The following PLCG2 variants were observed in gnomAD, a reference collection of about 807,000 sequenced individuals.
The protein encoded by PLCG2 is 1-phosphatidylinositol 4,5-bisphosphate phosphodiesterase gamma-2.
A neutral mutation model predicts 175.6 loss-of-function variants in PLCG2; 69 were observed. The observed-to-expected ratio is 0.39, with a 90% CI of 0.32 to 0.48. The LOEUF (loss-of-function observed/expected upper bound fraction) is 0.48, where lower values mean the gene tolerates loss of function less well. PLCG2 is among the 20% of genes least tolerant of loss of function. PLCG2 has a pLI of 0.91. For synonymous variants in PLCG2, 827 were observed against 624.0 expected, an observed-to-expected ratio of 1.33 and a Z score of -4.85; for missense variants, 1,798 against 1,650.9, an observed-to-expected ratio of 1.09 and a Z score of -1.54.
At chr16:81,907,653 T>TG (rs763349804) in intron 15 of PLCG2, 32 bp from the exon 16 acceptor site, 2 of 1,527,010 alleles carry the variant, frequency 1.3e-6, no homozygotes, top group Non-Finnish European at 9.1e-7. Flanking sequence ...GTAGAGGACT[T>TG]GGGGGGCACT....
At chr16:81,771,810 G>C (rs1475374540) in intron 2 of PLCG2, among the ~76,000 whole-genome samples, 1 of 151,970 alleles carries the variant, frequency 6.6e-6, no homozygotes, top group African/African-American at 2.4e-5. Flanking sequence ...TTGAGTTGGA[G>C]TCTCTCTCTC....
chr16:81,794,574 G>C (rs1471466556), intron 2 of PLCG2, among the ~76,000 whole-genome samples: 1 of 152,080 alleles, frequency 6.6e-6, no homozygotes, highest in Non-Finnish European at 1.5e-5. Flanking sequence ...GTGACCTTGG[G>C]TCTCTCATGT....
intron 2 of PLCG2, among the ~76,000 whole-genome samples, chr16:81,798,311 TG>T (rs1349845185): frequency 6.6e-6 from 1 of 152,132 alleles, no homozygotes. Context: ...TGTGTTTGCG[TG>T]GGGGACATGG....
intron 5 of PLCG2, among the ~76,000 whole-genome samples, chr16:81,862,983 C>T (rs2143505664): frequency 6.6e-6 from 1 of 152,222 alleles, no homozygotes; most frequent in Admixed American, 6.5e-5. Flanking sequence ...TGACCAATCA[C>T]CTTATGATTA....
chr16:81,743,071 TG>T (rs1260913982), intron 1 of PLCG2, among the ~76,000 whole-genome samples: 2 of 151,874 alleles, frequency 1.3e-5, no homozygotes, highest in African/African-American at 4.8e-5. Context: ...GATGCTGAAG[TG>T]GGGGGATCAC....
intron 27 of PLCG2, chr16:81,937,300 C>CA (rs1910756848): frequency 1.3e-5 from 2 of 152,480 alleles, no homozygotes; most frequent in Non-Finnish European, 2.9e-5. Flanking sequence ...ATTAGAGCTT[C>CA]TTCTTGTAAG....
At chr16:81,933,661 G>C (rs1910595154) in intron 25 of PLCG2, among the ~76,000 whole-genome samples, 1 of 152,080 alleles carries the variant, frequency 6.6e-6, no homozygotes, top group African/African-American at 2.4e-5. Context: ...CCCTGTCAGG[G>C]TGTGGATTGA....
chr16:81,866,080 G>A (rs71400182), intron 5 of PLCG2, among the ~76,000 whole-genome samples: 92 of 112,598 alleles, frequency 8.2e-4, no homozygotes, highest in African/African-American at 2.3e-3. Context: ...TCCCAGGATG[G>A]GCTCCACTGG....
At chr16:81,744,895 A>T (rs1245115384) in intron 1 of PLCG2, among the ~76,000 whole-genome samples, 1 of 152,146 alleles carries the variant, frequency 6.6e-6, no homozygotes, top group East Asian at 1.9e-4. Flanking sequence ...GGGCATCTGG[A>T]GAGGTGAAAA....
At chr16:81,934,059 T>G (rs1396297655) in intron 25 of PLCG2, among the ~76,000 whole-genome samples, 2 of 152,102 alleles carry the variant, frequency 1.3e-5, no homozygotes, top group Non-Finnish European at 2.9e-5. Flanking sequence ...CCCCGAGGAT[T>G]TGAAGAACTA....
chr16:81,778,016 C>CAAAAA (rs753644088), upstream of PLCG2, among the ~76,000 whole-genome samples: 153 of 49,022 alleles, frequency 3.1e-3, no homozygotes, highest in African/African-American at 4.6e-3. Context: ...GACTTTGTCT[C>CAAAAA]AAAAAAAAAA....
At chr16:81,884,086 C>G (rs183869763) in intron 9 of PLCG2, among the ~76,000 whole-genome samples, 5 of 152,234 alleles carry the variant, frequency 3.3e-5, no homozygotes, top group African/African-American at 4.8e-5. Context: ...TAGGGTGGCT[C>G]ACGCCTATAA....
At chr16:81,870,232 G>C (rs902698631) in intron 6 of PLCG2, among the ~76,000 whole-genome samples, 3 of 152,320 alleles carry the variant, frequency 2.0e-5, no homozygotes, top group African/African-American at 7.2e-5. Flanking sequence ...ACTGAACCAG[G>C]TGTTTTGCAG....
At position 81,959,290 on chromosome 16, in the gene PLCG2, C is replaced by CT. The variant is rs1011488840; in HGVS notation, c.*1293dup. The CT allele has an allele frequency of 8.9e-6, 2 of 224,164 alleles. No individual in the cohort carries two copies. The highest frequency in any genetic ancestry group is 4.5e-5 in the African/African-American group (2 of 44,792). 13.9% of individuals were successfully genotyped at this position (224,164 alleles called of 1,614,324 possible). On this transcript the variant is annotated 3_prime_UTR_variant, in exon 33 of 33. Coordinates refer to ENST00000564138, the MANE Select transcript of PLCG2 (RefSeq NM_002661.5). Reference sequence around the variant, plus strand: ...GCCCCTAGAAACCCATCTGACCCTCCTCTTGTTACCCGAAATGCTGGGCTT... The same window carrying CT: ...GCCCCTAGAAACCCATCTGACCCTCCTTCTTGTTACCCGAAATGCTGGGCTT...
At chr16:81,818,871 G>T (rs1335035015) in intron 2 of PLCG2, among the ~76,000 whole-genome samples, 3 of 133,244 alleles carry the variant, frequency 2.3e-5, no homozygotes, top group African/African-American at 9.0e-5. Flanking sequence ...ATAAGCTAGT[G>T]TGGGCTCATG....
At chr16:81,869,176 C>T (rs777779980) in intron 5 of PLCG2, 38 bp from the exon 6 acceptor site, 7 of 1,527,466 alleles carry the variant, frequency 4.6e-6, no homozygotes, top group Non-Finnish European at 5.4e-6. Context: ...CTGTTGAAAA[C>T]CCTCAAGGTG....
intron 13 of PLCG2, among the ~76,000 whole-genome samples, chr16:81,896,623 C>G (rs1908903812): frequency 6.6e-6 from 1 of 152,046 alleles, no homozygotes; most frequent in Non-Finnish European, 1.5e-5. Context: ...AAAAGTGAGG[C>G]AAGGAAAGTA....
At chr16:81,789,325 C>T (rs1010725678) in intron 2 of PLCG2, among the ~76,000 whole-genome samples, 3 of 152,224 alleles carry the variant, frequency 2.0e-5, no homozygotes, top group Non-Finnish European at 4.4e-5. Context: ...GGGTCTTGCT[C>T]TGTTGCCCAG....
intron 2 of PLCG2, among the ~76,000 whole-genome samples, chr16:81,845,687 G>C (rs950243784): frequency 1.3e-5 from 2 of 152,202 alleles, no homozygotes; most frequent in Admixed American, 6.5e-5. Context: ...GGGCCTGACC[G>C]CTCTCTGTGC....
Sources: allele counts gnomAD v4.1 joint callset (sites outside exome capture counted in the v4.1 genomes callset), GRCh38; gene constraint gnomAD v4.1.1; transcripts MANE v1.5; gene names NCBI Gene and HGNC (gene_info 2026-07-23, HGNC 2026-07-21).